KANTR: variants seen among roughly 807,000 people sequenced by gnomAD.
KANTR encodes KDM5C adjacent transcript.
At chrX:53,123,239 G>A (rs1423998517) in intron 2 of KANTR, among the ~76,000 whole-genome samples, 10 of 106,099 alleles carry the variant, frequency 9.4e-5, no homozygotes, top group Non-Finnish European at 1.9e-4. Flanking sequence ...CTTAACAGTC[G>A]CCATCCATAA....
At chrX:53,110,040 C>T (rs1308506573) in intron 2 of KANTR, among the ~76,000 whole-genome samples, 1 of 112,366 alleles carries the variant, frequency 8.9e-6, no homozygotes, top group Non-Finnish European at 1.9e-5. Context: ...CAGGCATGAG[C>T]CACTGCACGC....
chrX:53,109,177 ATT>A (rs1556813309), intron 2 of KANTR, among the ~76,000 whole-genome samples: 1 of 112,432 alleles, frequency 8.9e-6, no homozygotes, highest in African/African-American at 3.2e-5. Flanking sequence ...CTTTCCATGT[ATT>A]TGTATCATCT....
chrX:53,108,244 C>T (rs782658596), intron 2 of KANTR, among the ~76,000 whole-genome samples: 4 of 108,018 alleles, frequency 3.7e-5, no homozygotes, highest in Admixed American at 3.0e-4. Context: ...CTCTGTCACC[C>T]AGGCTGGAGT....
At chrX:53,132,926 A>C (rs182006903) in intron 2 of KANTR, among the ~76,000 whole-genome samples, 1 of 112,139 alleles carries the variant, frequency 8.9e-6, no homozygotes, top group East Asian at 2.8e-4. Flanking sequence ...TACTACTCAC[A>C]AGTTACAAAT....
chrX:53,132,558 A>G (rs1307728616), intron 2 of KANTR, among the ~76,000 whole-genome samples: 3 of 112,452 alleles, frequency 2.7e-5, no homozygotes, highest in Admixed American at 9.4e-5. Flanking sequence ...AAGCTGGATC[A>G]TGCCAAGTCC....
At chrX:53,107,459 A>T (rs1369462357) in intron 2 of KANTR, among the ~76,000 whole-genome samples, 2 of 100,532 alleles carry the variant, frequency 2.0e-5, no homozygotes, top group African/African-American at 7.6e-5. Context: ...CAATTTCTTT[A>T]AAAAAAAAAA....
chrX:53,112,342 A>G lies in KANTR; in HGVS notation c.-804-11127A>G, dbSNP rs1397723207. Reference sequence around the variant, plus strand: ...GGCTGAGTAGTATTCCATGGTGTATATATTACCACAGTTTCCTTATCCACT... The same window carrying G: ...GGCTGAGTAGTATTCCATGGTGTATGTATTACCACAGTTTCCTTATCCACT... On this transcript the variant is annotated intron_variant, in intron 2 of 2. Transcript: ENST00000604062. Among the ~76,000 whole-genome samples the G allele has an allele frequency of 6.2e-5, 7 of 112,281 alleles. No homozygotes were observed. In the East Asian group the frequency reaches 1.9e-3, roughly 31 times the overall value.
intron 2 of KANTR, among the ~76,000 whole-genome samples, chrX:53,118,894 C>T (rs997119244): frequency 4.5e-5 from 5 of 111,509 alleles, no homozygotes; most frequent in African/African-American, 1.6e-4. Flanking sequence ...ATGTGCATCA[C>T]CATGCCTGGC....
At position 53,105,943 on chromosome X, in the gene KANTR, C is replaced by T. The variant is rs782811835; in HGVS notation, c.-805+6335C>T. Among the ~76,000 whole-genome samples, 4 of 97,573 alleles carry T rather than the reference C, an allele frequency of 4.1e-5. 1 individual carries two copies. Among genetic ancestry groups the T allele is most frequent in the African/African-American group, 7.9e-5 (2 of 25,186 alleles). 84.7% of individuals were successfully genotyped at this position (97,573 alleles called of 115,157 possible). A position where few individuals can be genotyped will look rare whatever the true frequency, so the allele number is the denominator to read the frequency against. On this transcript the variant is annotated intron_variant, in intron 2 of 2. Transcript: ENST00000604062. ...CGCGATCTCGGCTCACTGCAAGCTCCGCCTCCTGGGTTCACGCCATTCTCC... is the reference window on the plus strand; with the variant it reads ...CGCGATCTCGGCTCACTGCAAGCTCTGCCTCCTGGGTTCACGCCATTCTCC...
At chrX:53,119,173 G>A (rs1257003973) in intron 2 of KANTR, among the ~76,000 whole-genome samples, 1 of 107,782 alleles carries the variant, frequency 9.3e-6, no homozygotes, top group African/African-American at 3.4e-5. Context: ...TCAGCTTACT[G>A]AGTAGCTGGG....
At chrX:53,129,449 T>C (rs1292763702), downstream of KANTR, among the ~76,000 whole-genome samples, 4 of 111,212 alleles carry the variant, frequency 3.6e-5, no homozygotes, top group Non-Finnish European at 7.5e-5. Context: ...CATAGATCAC[T>C]TAATTGGAAA....
At chrX:53,138,622 T>C (rs1933457972) in intron 2 of KANTR, among the ~76,000 whole-genome samples, 1 of 108,717 alleles carries the variant, frequency 9.2e-6, no homozygotes, top group African/African-American at 3.3e-5. Flanking sequence ...GGAGAATCGC[T>C]TGAACCCAGG....
At chrX:53,129,849 AATTT>A (rs59141550), downstream of KANTR, among the ~76,000 whole-genome samples, 29 of 99,009 alleles carry the variant, frequency 2.9e-4, no homozygotes, top group South Asian at 2.0e-3. Flanking sequence ...TCTCCTTACA[AATTT>A]ATTTATTTAT....
At chrX:53,099,861 A>C (rs183119713) in intron 2 of KANTR, among the ~76,000 whole-genome samples, 190 of 112,268 alleles carry the variant, frequency 1.7e-3, no homozygotes, top group Middle Eastern at 4.6e-3. Context: ...TAATATTTTG[A>C]ATGGAATCTT....
intron 2 of KANTR, among the ~76,000 whole-genome samples, chrX:53,103,192 T>C (rs2146719069): frequency 9.1e-6 from 1 of 110,168 alleles, no homozygotes; most frequent in South Asian, 3.9e-4. Flanking sequence ...GCCAGGCTGG[T>C]CTCGAACTCC....
chrX:53,143,698 T>C, downstream of KANTR: 2 of 669,267 alleles, frequency 3.0e-6, no homozygotes, highest in Non-Finnish European at 4.9e-6. Context: ...GATGCCATGC[T>C]CGATAGGGTA....
At chrX:53,102,000 CAA>C (rs201162727) in intron 2 of KANTR, among the ~76,000 whole-genome samples, 7 of 43,350 alleles carry the variant, frequency 1.6e-4, no homozygotes, top group East Asian at 8.3e-4. Flanking sequence ...AACCCTGTCT[CAA>C]AAAAAAAAAA....
downstream of KANTR, among the ~76,000 whole-genome samples, chrX:53,127,680 C>T (rs782296616): frequency 1.8e-5 from 2 of 111,560 alleles, no homozygotes; most frequent in Admixed American, 1.9e-4. Context: ...CCCTAGGGCT[C>T]CTGAAGGCAG....
intron 1 of KANTR, among the ~76,000 whole-genome samples, chrX:53,096,091 C>T (rs782607099): frequency 2.3e-4 from 26 of 111,119 alleles, no homozygotes; most frequent in African/African-American, 8.5e-4. Flanking sequence ...TCTCAGAGGG[C>T]CCCCCAACCA....
Sources: gnomAD v4.1 joint callset for allele counts (sites outside exome capture counted in the v4.1 genomes callset) on GRCh38, gnomAD v4.1.1 for gene constraint, MANE v1.5 for transcripts, NCBI Gene and HGNC (gene_info 2026-07-23, HGNC 2026-07-21) for gene names.